The following ZFYVE28 variants were observed in gnomAD, a reference collection of about 807,000 sequenced individuals.
ZFYVE28 encodes the protein zinc finger FYVE-type containing 28.
A neutral mutation model predicts 82.1 loss-of-function variants in ZFYVE28; 40 were observed. That is an observed-to-expected ratio of 0.49 (90% CI 0.38 to 0.63). ZFYVE28 has a LOEUF of 0.63. ZFYVE28 is among the 30% of genes least tolerant of loss of function. ZFYVE28 has a pLI of 0.00. For missense variants in ZFYVE28, 1,321 were observed against 1,242.1 expected, an observed-to-expected ratio of 1.06 and a Z score of -0.96; for synonymous variants, 612 against 546.1, an observed-to-expected ratio of 1.12 and a Z score of -1.68.
rs1247129986 is a variant in ZFYVE28 at position 2,341,681 on chromosome 4, TG to T, written c.181-67del. The T allele has an allele frequency of 1.3e-6, 2 of 1,572,760 alleles. No homozygotes were observed. Among genetic ancestry groups the T allele is most frequent in the Non-Finnish European group, 1.7e-6 (2 of 1,151,956 alleles). ...CCAGCTGGCGGCCGCCATGTACTGC[TG>T]GAAAACACGCACGGTGCATGTGACT... On this transcript the variant is annotated intron_variant, in intron 2 of 12. Transcript: ENST00000290974. The surrounding 1 kb of genome is among the most constrained non-coding windows in gnomAD (Gnocchi z 4.5).
At chr4:2,301,078 T>C (rs1480268654) in intron 8 of ZFYVE28, among the ~76,000 whole-genome samples, 1 of 152,130 alleles carries the variant, frequency 6.6e-6, no homozygotes, top group Non-Finnish European at 1.5e-5. Context: ...GGGTGAACTT[T>C]CTGTGTGTGT....
chr4:2,412,668 A>C (rs1359263292), intron 1 of ZFYVE28, among the ~76,000 whole-genome samples: 2 of 152,190 alleles, frequency 1.3e-5, no homozygotes. Flanking sequence ...TGCACCCGGC[A>C]CACCCTGTAG....
chr4:2,272,091 C>T (rs1009229797), intron 10 of ZFYVE28, among the ~76,000 whole-genome samples: 10 of 152,352 alleles, frequency 6.6e-5, no homozygotes, highest in South Asian at 4.1e-4. Context: ...TCACAACCTC[C>T]GTGTGCAGAA....
Position 2,418,465 on chromosome 4 carries a change from G to C in ZFYVE28, c.-142C>G. On this transcript the variant is annotated 5_prime_UTR_variant, in exon 1 of 13. Coordinates refer to ENST00000290974, the MANE Select transcript of ZFYVE28 (RefSeq NM_020972.3). This position sits in a 1 kb window ranked among gnomAD's most constrained non-coding sequence, Gnocchi z 4.6. ...CAGGGAGGCTGGCTAGCGAAGCCCG[G>C]AGCGCCGAGCGGGCGGCGGGCAGGT... 1 of 578,412 alleles carries C rather than the reference G, an allele frequency of 1.7e-6. No homozygotes were observed. Among genetic ancestry groups the C allele is most frequent in the Non-Finnish European group, 2.2e-6 (1 of 450,200 alleles). The allele number at this position is 578,412 out of a possible 1,614,324, so 35.8% of individuals were successfully genotyped here.
chr4:2,336,531 A>C (rs1721713627), intron 5 of ZFYVE28, among the ~76,000 whole-genome samples: 1 of 151,764 alleles, frequency 6.6e-6, no homozygotes, highest in Admixed American at 6.6e-5. Flanking sequence ...TACTGTACAA[A>C]GCCTGATAAG....
chr4:2,385,030 G>A (rs1400622679), intron 1 of ZFYVE28, among the ~76,000 whole-genome samples: 1 of 152,186 alleles, frequency 6.6e-6, no homozygotes, highest in East Asian at 1.9e-4. Context: ...TTTGTAAAAG[G>A]CCTCACCTTT....
At chr4:2,275,476 C>T (rs1259713549) in intron 8 of ZFYVE28, among the ~76,000 whole-genome samples, 3 of 152,190 alleles carry the variant, frequency 2.0e-5, no homozygotes, top group Non-Finnish European at 4.4e-5. Context: ...CTGTTACTGT[C>T]GTTTCATGGA....
intron 1 of ZFYVE28, among the ~76,000 whole-genome samples, chr4:2,403,497 C>T (rs906646272): frequency 4.6e-5 from 7 of 152,306 alleles, no homozygotes; most frequent in African/African-American, 1.4e-4. Context: ...CCTGTGGTTT[C>T]GAGGGGTTTG....
Position 2,305,140 on chromosome 4 carries a change from C to G in ZFYVE28, c.1200G>C (p.Val400=). 6.3e-7 allele frequency: 1 copy of G among 1,589,502 alleles called. No individual in the cohort carries two copies. Among genetic ancestry groups the G allele is most frequent in the Non-Finnish European group, 8.6e-7 (1 of 1,166,332 alleles). Residue 400 remains valine, a synonymous_variant, in exon 8 of 13, where the codon GTG becomes GTC. Coordinates refer to ENST00000290974, the MANE Select transcript of ZFYVE28 (RefSeq NM_020972.3). Reference sequence around the variant, plus strand: ...TCCCCTCCACGTCATCCATGAAGAACACGCGCTCCTCCTCGTCACTGCCTG... The same window carrying G: ...TCCCCTCCACGTCATCCATGAAGAAGACGCGCTCCTCCTCGTCACTGCCTG... ...LRSGSDEEER[V]FFMDDVEGTA...
intron 8 of ZFYVE28, among the ~76,000 whole-genome samples, chr4:2,296,708 G>C (rs1450995326): frequency 1.3e-5 from 2 of 152,150 alleles, no homozygotes; most frequent in African/African-American, 2.4e-5. Flanking sequence ...CTCCCAGTGA[G>C]GGGGAGGGGA....
At chr4:2,334,066 CCT>C (rs1721165341) in intron 6 of ZFYVE28, among the ~76,000 whole-genome samples, 1 of 152,186 alleles carries the variant, frequency 6.6e-6, no homozygotes, top group Admixed American at 6.5e-5. Flanking sequence ...AAGGAAGTTC[CCT>C]GAGTCTAACG....
intron 1 of ZFYVE28, among the ~76,000 whole-genome samples, chr4:2,402,605 C>T (rs1731317403): frequency 6.6e-6 from 1 of 152,152 alleles, no homozygotes; most frequent in African/African-American, 2.4e-5. Context: ...AACACGGAAG[C>T]CACACAGCAG....
chr4:2,409,942 A>T lies in ZFYVE28; in HGVS notation c.39+8343T>A. Among the ~76,000 whole-genome samples the T allele has an allele frequency of 6.6e-6, 1 of 152,246 alleles. No individual in the cohort carries two copies. The highest frequency in any genetic ancestry group is 1.9e-4 in the East Asian group (1 of 5,200). On this transcript the variant is annotated intron_variant, in intron 1 of 12. Transcript: ENST00000290974. The surrounding 1 kb of genome is among the most constrained non-coding windows in gnomAD (Gnocchi z 4.4). ...GCCACAGTCAGCGGGCCAGGCTGGC[A>T]GGGTGCTTTCCAAAGCCCCCAAGTC... is the stretch of plus-strand genomic sequence containing the variant.
At chr4:2,273,964 A>C in intron 9 of ZFYVE28, 98 bp downstream of exon 9, 2 of 1,400,890 alleles carry the variant, frequency 1.4e-6, no homozygotes, top group Admixed American at 1.9e-5. Flanking sequence ...GTTTACAGGA[A>C]AGTGAGGGGG....
intron 8 of ZFYVE28, among the ~76,000 whole-genome samples, chr4:2,288,713 C>T (rs559719046): frequency 9.9e-5 from 15 of 152,248 alleles, no homozygotes; most frequent in Non-Finnish European, 1.6e-4. Context: ...CACAATGGCT[C>T]ACGCCTTTAA....
At chr4:2,395,829 G>A (rs907960023) in intron 1 of ZFYVE28, among the ~76,000 whole-genome samples, 3 of 151,778 alleles carry the variant, frequency 2.0e-5, no homozygotes, top group African/African-American at 4.9e-5. Context: ...GAGGCGGCGG[G>A]ACTCCAGATT....
At position 2,304,731 on chromosome 4, in the gene ZFYVE28, C is replaced by G. The variant is rs145212126; in HGVS notation, c.1609G>C (p.Ala537Pro). Residue 537 changes from alanine to proline, a missense_variant, in exon 8 of 13, where the codon GCC becomes CCC. This residue lies in a region of ZFYVE28 where 978 missense variants were observed against 833.7 expected (regional missense o/e 1.17). Coordinates refer to ENST00000290974, the MANE Select transcript of ZFYVE28 (RefSeq NM_020972.3). ...ATCCCCTCGGCCACGGGCTCCGAGG[C>G]GGCCTCCTGGGTGGCGACCGCAGAG... ...LDSAVATQEA[A>P]SEPVAEGMDG... 1 of 1,612,686 alleles carries G rather than the reference C, an allele frequency of 6.2e-7. No homozygotes were observed. Among genetic ancestry groups the G allele is most frequent in the Non-Finnish European group, 8.5e-7 (1 of 1,179,926 alleles).
intron 1 of ZFYVE28, among the ~76,000 whole-genome samples, chr4:2,366,133 G>C (rs1224308172): frequency 6.6e-6 from 1 of 152,244 alleles, no homozygotes; most frequent in Non-Finnish European, 1.5e-5. Flanking sequence ...GAGACTTCTG[G>C]GGGGAGTGCG....
chr4:2,304,247 C>T, intron 8 of ZFYVE28, 42 bp downstream of exon 8: 1 of 1,515,346 alleles, frequency 6.6e-7, no homozygotes, highest in Non-Finnish European at 8.8e-7. Context: ...CCCCCCAGTG[C>T]AGAGAGGACA....
Sources: allele counts gnomAD v4.1 joint callset (sites outside exome capture counted in the v4.1 genomes callset), GRCh38; gene constraint gnomAD v4.1.1; regional missense constraint gnomAD v4.1.1; non-coding constraint Gnocchi (gnomAD v3.1); transcripts MANE v1.5; gene names NCBI Gene and HGNC (gene_info 2026-07-23, HGNC 2026-07-21).